Variants in WDR70 observed in about 807,000 individuals in gnomAD.
WDR70 encodes the protein WD repeat-containing protein 70.
WDR70 carries 53 observed loss-of-function variants against 88.6 expected under a neutral mutation model. That is an observed-to-expected ratio of 0.60 (90% CI 0.48 to 0.75). The LOEUF (loss-of-function observed/expected upper bound fraction) is 0.75. WDR70 is among the 30% of genes least tolerant of loss of function. WDR70 has a pLI of 0.00. For missense variants in WDR70, 610 were observed against 823.2 expected, an observed-to-expected ratio of 0.74 and a Z score of 3.17; for synonymous variants, 280 against 270.0, an observed-to-expected ratio of 1.04 and a Z score of -0.36.
intron 9 of WDR70, among the ~76,000 whole-genome samples, chr5:37,523,319 C>G (rs970463316): frequency 6.6e-6 from 1 of 152,216 alleles, no homozygotes; most frequent in African/African-American, 2.4e-5. Flanking sequence ...ATTTGCTGTT[C>G]AGCAATATTC....
chr5:37,558,305 A>G (rs1742374495), intron 9 of WDR70, among the ~76,000 whole-genome samples: 1 of 151,956 alleles, frequency 6.6e-6, no homozygotes, highest in Admixed American at 6.6e-5. Context: ...TTTGTTTTGA[A>G]CACAATGTAT....
intron 14 of WDR70, 178 bp from the exon 15 acceptor site, chr5:37,722,677 A>T (rs1581527339): frequency 3.3e-6 from 2 of 599,132 alleles, no homozygotes; most frequent in East Asian, 2.8e-5. Context: ...TTGCTTTTCC[A>T]TAAGTTTAAG....
At chr5:37,672,890 A>G (rs929016575) in intron 10 of WDR70, among the ~76,000 whole-genome samples, 1 of 151,908 alleles carries the variant, frequency 6.6e-6, no homozygotes, top group Non-Finnish European at 1.5e-5. Context: ...CCACCCCTTC[A>G]TCTTCTGACT....
chr5:37,438,453 T>A (rs909986957), intron 6 of WDR70, among the ~76,000 whole-genome samples: 17 of 152,150 alleles, frequency 1.1e-4, no homozygotes. Context: ...TATATTGTTA[T>A]ATTTACTTAT....
At chr5:37,524,126 A>T (rs1431064363) in intron 9 of WDR70, among the ~76,000 whole-genome samples, 1 of 152,210 alleles carries the variant, frequency 6.6e-6, no homozygotes, top group African/African-American at 2.4e-5. Flanking sequence ...GGAACTACAG[A>T]GAACACCACA....
chr5:37,533,524 G>A (rs1468414763), intron 9 of WDR70, among the ~76,000 whole-genome samples: 1 of 145,346 alleles, frequency 6.9e-6, no homozygotes, highest in Non-Finnish European at 1.5e-5. Flanking sequence ...ACCTGGTTAA[G>A]TATTCAGGTT....
At chr5:37,689,653 G>C (rs1305499826) in intron 10 of WDR70, among the ~76,000 whole-genome samples, 1 of 152,102 alleles carries the variant, frequency 6.6e-6, no homozygotes, top group Admixed American at 6.5e-5. Flanking sequence ...AAACAGAAAG[G>C]AATAGCATCA....
chr5:37,489,060 C>A (rs2112186243), intron 8 of WDR70, among the ~76,000 whole-genome samples: 1 of 152,078 alleles, frequency 6.6e-6, no homozygotes, highest in East Asian at 1.9e-4. Context: ...TGGCTTTAAA[C>A]CCTGTCAGTG....
intron 5 of WDR70, among the ~76,000 whole-genome samples, chr5:37,432,862 C>T (rs1750353023): frequency 6.6e-6 from 1 of 152,062 alleles, no homozygotes; most frequent in African/African-American, 2.4e-5. Flanking sequence ...CGCACCCGGC[C>T]TTTTGCTCAT....
intron 17 of WDR70, among the ~76,000 whole-genome samples, chr5:37,729,606 T>C (rs1748085300): frequency 6.6e-6 from 1 of 152,238 alleles, no homozygotes; most frequent in Admixed American, 6.5e-5. Flanking sequence ...TCACTTTTCC[T>C]ATCTGCATGG....
chr5:37,740,676 G>T (rs761323888), intron 17 of WDR70, among the ~76,000 whole-genome samples: 1 of 152,186 alleles, frequency 6.6e-6, no homozygotes, highest in Non-Finnish European at 1.5e-5. Flanking sequence ...GGATGGGCCT[G>T]AGAGTGTAAC....
At chr5:37,543,491 G>A (rs1186753672) in intron 9 of WDR70, among the ~76,000 whole-genome samples, 2 of 151,902 alleles carry the variant, frequency 1.3e-5, no homozygotes, top group Admixed American at 1.3e-4. Context: ...TTGTGTGTGT[G>A]CATGTATATA....
intron 5 of WDR70, among the ~76,000 whole-genome samples, chr5:37,399,287 C>A (rs10080216): frequency 0.066 from 9,933 of 151,532 alleles, 1,037 homozygotes; most frequent in African/African-American, 0.22. Context: ...CACACACACA[C>A]AAAAAAAATT....
intron 9 of WDR70, among the ~76,000 whole-genome samples, chr5:37,567,038 C>T (rs1453262985): frequency 1.3e-5 from 2 of 152,156 alleles, no homozygotes; most frequent in African/African-American, 2.4e-5. Flanking sequence ...GTAGTTGTTA[C>T]TGTGACTATT....
At chr5:37,473,585 C>A (rs1739393291) in intron 7 of WDR70, among the ~76,000 whole-genome samples, 2 of 152,170 alleles carry the variant, frequency 1.3e-5, no homozygotes, top group South Asian at 4.1e-4. Context: ...CTCAGGTGAT[C>A]TGCCCGCCTC....
chr5:37,416,372 G>A (rs567839908), intron 5 of WDR70, among the ~76,000 whole-genome samples: 2 of 152,282 alleles, frequency 1.3e-5, no homozygotes, highest in South Asian at 2.1e-4. Context: ...CCAGTCAGGC[G>A]TGGCGGCGCG....
chr5:37,439,593 TTAGA>T (rs1750589258), intron 6 of WDR70, among the ~76,000 whole-genome samples: 2 of 151,262 alleles, frequency 1.3e-5, no homozygotes, highest in Non-Finnish European at 1.5e-5. Flanking sequence ...TGAAAATCAA[TTAGA>T]GTGTCTAATT....
rs35275488 is a variant in WDR70 at position 37,499,586 on chromosome 5, A to ATTTTCTCTCTCTCTCTCTCTTT, written c.841-16926_841-16925insTTCTCTCTCTCTCTCTCTTTTT. On this transcript the variant is annotated intron_variant, in intron 8 of 17. Coordinates refer to ENST00000265107, the MANE Select transcript of WDR70 (RefSeq NM_018034.4). ...TTTTTTAAATATGTGATTTGGAAAT[A>ATTTTCTCTCTCTCTCTCTCTTT]TTCTCTCTCTCTCTCTCTCTCTCTC... Among the ~76,000 whole-genome samples, 466 of 58,636 alleles carry ATTTTCTCTCTCTCTCTCTCTTT rather than the reference A, an allele frequency of 7.9e-3. 11 individuals are homozygous for ATTTTCTCTCTCTCTCTCTCTTT. Among genetic ancestry groups the ATTTTCTCTCTCTCTCTCTCTTT allele is most frequent in the African/African-American group, 0.029 (433 of 14,738 alleles). 38.5% of individuals were successfully genotyped at this position (58,636 alleles called of 152,430 possible). A position where few individuals can be genotyped will look rare whatever the true frequency, so the allele number is the denominator to read the frequency against.
chr5:37,661,496 G>A (rs1219763914), intron 10 of WDR70, among the ~76,000 whole-genome samples: 2 of 152,232 alleles, frequency 1.3e-5, no homozygotes, highest in Non-Finnish European at 2.9e-5. Flanking sequence ...CAAGACAGAG[G>A]AATTGCAATG....
Sources: gnomAD v4.1 joint callset for allele counts (sites outside exome capture counted in the v4.1 genomes callset) on GRCh38, gnomAD v4.1.1 for gene constraint, MANE v1.5 for transcripts, NCBI Gene and HGNC (gene_info 2026-07-23, HGNC 2026-07-21) for gene names.